The following RSU1 variants were observed in gnomAD, a reference collection of about 807,000 sequenced individuals.
RSU1 encodes Ras suppressor protein 1.
A neutral mutation model predicts 31.1 loss-of-function variants in RSU1; 26 were observed. The ratio of observed to expected loss-of-function variants is 0.84; its 90% CI spans 0.61 to 1.16. The LOEUF (loss-of-function observed/expected upper bound fraction) is 1.16, where lower values mean the gene tolerates loss of function less well. RSU1 is among the 50% of genes most tolerant of loss of function. The pLI is 0.00. For synonymous variants in RSU1, 164 were observed against 136.3 expected (o/e 1.20, Z -1.41); for missense variants, 320 against 339.1 (o/e 0.94, Z 0.44).
At chr10:16,627,583 G>C (rs764295792) in intron 8 of RSU1, among the ~76,000 whole-genome samples, 1 of 151,870 alleles carries the variant, frequency 6.6e-6, no homozygotes, top group South Asian at 2.1e-4. Flanking sequence ...GTGAAACCCT[G>C]TCTCTACTAA....
intron 8 of RSU1, among the ~76,000 whole-genome samples, chr10:16,646,579 T>A (rs888662477): frequency 6.6e-6 from 1 of 152,204 alleles, no homozygotes; most frequent in Non-Finnish European, 1.5e-5. Context: ...ATTTCATATA[T>A]TTAAAGTGTT....
chr10:16,607,553 G>T (rs1456684546), intron 8 of RSU1, among the ~76,000 whole-genome samples: 3 of 152,076 alleles, frequency 2.0e-5, no homozygotes, highest in African/African-American at 7.2e-5. Flanking sequence ...AACAGGGGTG[G>T]TAACTATCTG....
chr10:16,805,886 G>A (rs1019773910), intron 2 of RSU1, among the ~76,000 whole-genome samples: 14 of 152,082 alleles, frequency 9.2e-5, no homozygotes, highest in Admixed American at 3.3e-4. Context: ...ATGAGGACTA[G>A]AAGGAGGAGT....
chr10:16,628,914 G>C (rs546166050), intron 8 of RSU1, among the ~76,000 whole-genome samples: 38 of 152,244 alleles, frequency 2.5e-4, no homozygotes, highest in African/African-American at 8.7e-4. Flanking sequence ...CAAGCAGCAA[G>C]GTCCATGAAG....
intron 2 of RSU1, among the ~76,000 whole-genome samples, chr10:16,812,575 CAA>C (rs1278504832): frequency 4.6e-5 from 7 of 152,284 alleles, no homozygotes; most frequent in Non-Finnish European, 7.4e-5. Context: ...CCAGGTTTAA[CAA>C]GACTTTTGAG....
At chr10:16,745,241 C>T (rs1485741658) in intron 7 of RSU1, among the ~76,000 whole-genome samples, 4 of 152,144 alleles carry the variant, frequency 2.6e-5, no homozygotes, top group Non-Finnish European at 4.4e-5. Context: ...CACTGAGCAG[C>T]TGTACTCATT....
chr10:16,592,297 G>A lies in RSU1; in HGVS notation c.*1097C>T, dbSNP rs1376697363. 5 of 151,940 alleles carry A rather than the reference G, an allele frequency of 3.3e-5. No individual in the cohort carries two copies. In the East Asian group the frequency reaches 9.6e-4, roughly 29 times the overall value. The allele number at this position is 151,940 out of a possible 1,614,324, so 9.4% of individuals were successfully genotyped here. ...CTTCACATACCATTTTTTTTGTGTCGGCCTTCTGGGGTTGACAGCCCTTTC... is the reference window on the plus strand; with the variant it reads ...CTTCACATACCATTTTTTTTGTGTCAGCCTTCTGGGGTTGACAGCCCTTTC... On this transcript the variant is annotated 3_prime_UTR_variant, in exon 9 of 9. Transcript: ENST00000345264.
chr10:16,658,418 T>C (rs1396504744), intron 8 of RSU1, among the ~76,000 whole-genome samples: 2 of 152,088 alleles, frequency 1.3e-5, no homozygotes, highest in South Asian at 4.1e-4. Context: ...CAGAGAACAA[T>C]TTGGCTTGAA....
chr10:16,703,991 C>T (rs1325372966), intron 7 of RSU1, among the ~76,000 whole-genome samples: 4 of 72,542 alleles, frequency 5.5e-5, no homozygotes, highest in African/African-American at 1.3e-4. Context: ...TTGGGTGAAG[C>T]CCTAGTGTTT....
intron 8 of RSU1, among the ~76,000 whole-genome samples, chr10:16,644,447 T>TG (rs1009973735): frequency 2.0e-5 from 3 of 152,204 alleles, no homozygotes; most frequent in African/African-American, 7.2e-5. Flanking sequence ...GCTGTGTGTG[T>TG]TTTTCTGCAC....
chr10:16,631,209 G>A (rs1834239934), intron 8 of RSU1, among the ~76,000 whole-genome samples: 2 of 152,186 alleles, frequency 1.3e-5, no homozygotes, highest in Admixed American at 6.5e-5. Context: ...CAGGAGAGAT[G>A]TGAAGGCAAG....
chr10:16,599,373 A>G (rs185104556), intron 8 of RSU1, among the ~76,000 whole-genome samples: 1 of 152,220 alleles, frequency 6.6e-6, no homozygotes, highest in Non-Finnish European at 1.5e-5. Context: ...CCCGGGCACC[A>G]CTGTCCCCTC....
At chr10:16,801,089 CT>C (rs375892886) in intron 2 of RSU1, among the ~76,000 whole-genome samples, 15 of 137,834 alleles carry the variant, frequency 1.1e-4, no homozygotes, top group East Asian at 1.0e-3. Flanking sequence ...CAGTGTGGAT[CT>C]TTTTTTTAAA....
At chr10:16,765,291 A>C (rs1228171422) in intron 3 of RSU1, among the ~76,000 whole-genome samples, 2 of 152,142 alleles carry the variant, frequency 1.3e-5, no homozygotes, top group African/African-American at 4.8e-5. Flanking sequence ...CACCCTCCCT[A>C]GTTTCTGATT....
At chr10:16,595,547 T>G (rs147775039) in intron 8 of RSU1, among the ~76,000 whole-genome samples, 1 of 152,290 alleles carries the variant, frequency 6.6e-6, no homozygotes, top group East Asian at 1.9e-4. Context: ...TCAAGAAGTT[T>G]CCATATGTCC....
At chr10:16,642,983 T>G (rs1834471602) in intron 8 of RSU1, among the ~76,000 whole-genome samples, 1 of 152,236 alleles carries the variant, frequency 6.6e-6, no homozygotes, top group Non-Finnish European at 1.5e-5. Flanking sequence ...CAAGTCCTTT[T>G]TGATAAGTAC....
At position 16,686,836 on chromosome 10, in the gene RSU1, C is replaced by T. The variant is rs182276492; in HGVS notation, c.731+8187G>A. The stretch of plus-strand genomic sequence containing the variant: ...AGGTTCAGGATAAATCTCTCTTCTC[C>T]CTTTGATGTTGCAGCTGTAGTTTTT... On this transcript the variant is annotated intron_variant, in intron 8 of 8. Transcript: ENST00000345264. Among the ~76,000 whole-genome samples the T allele has an allele frequency of 2.0e-5, 3 of 148,276 alleles. No individual in the cohort carries two copies. In the Admixed American group the frequency reaches 2.1e-4, roughly 10 times the overall value.
chr10:16,812,509 C>T (rs377002894), intron 2 of RSU1, among the ~76,000 whole-genome samples: 1 of 151,694 alleles, frequency 6.6e-6, no homozygotes. Flanking sequence ...AATTACAGGT[C>T]CTCCCCAGCT....
At chr10:16,708,930 C>A (rs1835961361) in intron 7 of RSU1, among the ~76,000 whole-genome samples, 1 of 88,436 alleles carries the variant, frequency 1.1e-5, no homozygotes, top group South Asian at 3.9e-4. Context: ...TTCTTGTATG[C>A]TGATTTTGTA....
Sources: allele counts gnomAD v4.1 joint callset (sites outside exome capture counted in the v4.1 genomes callset), GRCh38; gene constraint gnomAD v4.1.1; transcripts MANE v1.5; gene names NCBI Gene and HGNC (gene_info 2026-07-23, HGNC 2026-07-21).